PDE8B: variants seen among roughly 807,000 people sequenced by gnomAD.
The protein encoded by PDE8B is phosphodiesterase 8B.
Under a neutral mutation model 101.3 loss-of-function variants are expected in PDE8B, and 26 were observed. The observed-to-expected ratio is 0.26, with a 90% CI of 0.19 to 0.36. PDE8B has a LOEUF of 0.36. Among genes scored for constraint, PDE8B ranks in the 10% least tolerant of loss-of-function variants. The probability of loss-of-function intolerance (pLI) is 1.00; values close to 1 mark genes in which losing one functional copy is unlikely to be tolerated. For missense variants in PDE8B, 810 were observed against 1,163.1 expected, an observed-to-expected ratio of 0.70 and a Z score of 4.42; for synonymous variants, 424 against 429.3, an observed-to-expected ratio of 0.99 and a Z score of 0.15.
the PDE8B span, among the ~76,000 whole-genome samples, chr5:77,108,518 A>G: frequency 3.9e-5 from 6 of 152,152 alleles, no homozygotes; most frequent in African/African-American, 1.4e-4. Flanking sequence ...CCCCGTCTCT[A>G]TTAAAAATAC....
chr5:77,211,213 C>T lies in PDE8B; in HGVS notation c.288C>T (p.His96=). The change falls in exon 1 of 22, where the codon CAC becomes CAT. Residue 96 remains histidine (H), a synonymous_variant. Coordinates refer to ENST00000264917, the MANE Select transcript of PDE8B (RefSeq NM_003719.5). This position sits in a 1 kb window ranked among gnomAD's most constrained non-coding sequence, Gnocchi z 4.1. ...CCACCAGCAGGGGCCGGAGGCGCCACTGCTGCAGCAGCGCCGAGGCCGAGA... is the reference window on the plus strand; with the variant it reads ...CCACCAGCAGGGGCCGGAGGCGCCATTGCTGCAGCAGCGCCGAGGCCGAGA... ...AATTSRGRRR[H]CCSSAEAETQ... 6.4e-7 allele frequency: 1 copy of T among 1,571,216 alleles called. No homozygotes were observed. Among genetic ancestry groups the T allele is most frequent in the Non-Finnish European group, 8.6e-7 (1 of 1,167,074 alleles).
intron 1 of PDE8B, among the ~76,000 whole-genome samples, chr5:77,280,830 G>A (rs1764826608): frequency 6.6e-6 from 1 of 152,226 alleles, no homozygotes; most frequent in Non-Finnish European, 1.5e-5. Flanking sequence ...CGGGGAGGTG[G>A]AGGTTGCAGT....
intron 10 of PDE8B, among the ~76,000 whole-genome samples, chr5:77,391,370 C>T (rs1789881975): frequency 2.0e-5 from 3 of 152,136 alleles, no homozygotes. Context: ...TTCCTGACGG[C>T]AGATGCTGCT....
At chr5:77,308,565 G>A (rs1454380169) in intron 1 of PDE8B, among the ~76,000 whole-genome samples, 2 of 152,162 alleles carry the variant, frequency 1.3e-5, no homozygotes, top group African/African-American at 4.8e-5. Context: ...TAGAATACTG[G>A]ATGGCAGGCA....
chr5:77,219,322 T>C (rs992790100), intron 1 of PDE8B, among the ~76,000 whole-genome samples: 2 of 152,102 alleles, frequency 1.3e-5, no homozygotes, highest in Non-Finnish European at 1.5e-5. Context: ...TTCTCTCAAA[T>C]AGGAAGATGT....
intron 21 of PDE8B, 68 bp from the exon 22 acceptor site, chr5:77,426,377 C>A: frequency 9.8e-7 from 1 of 1,021,974 alleles, no homozygotes; most frequent in South Asian, 1.3e-5. Context: ...CCCAGACACC[C>A]CCAGGCTTAT....
the PDE8B span, among the ~76,000 whole-genome samples, chr5:77,104,202 G>T: frequency 6.6e-6 from 1 of 152,140 alleles, no homozygotes; most frequent in Admixed American, 6.5e-5. Context: ...GGGGCCTATC[G>T]CTCTTCCACA....
the PDE8B span, chr5:77,144,215 T>C: frequency 6.6e-6 from 1 of 152,206 alleles, no homozygotes; most frequent in Non-Finnish European, 1.5e-5. Context: ...AGTCAGGATG[T>C]CTCCAGGGGC....
the PDE8B span, among the ~76,000 whole-genome samples, chr5:77,188,251 A>G: frequency 6.6e-6 from 1 of 152,180 alleles, no homozygotes; most frequent in Admixed American, 6.5e-5. Context: ...TTTCGATGGA[A>G]TGATATTAGG....
At chr5:77,262,710 T>A (rs973353834) in intron 1 of PDE8B, among the ~76,000 whole-genome samples, 2 of 152,202 alleles carry the variant, frequency 1.3e-5, no homozygotes, top group African/African-American at 4.8e-5. Context: ...TTAGTGCACT[T>A]GTAATATGCC....
At chr5:77,221,513 C>A (rs967116102) in intron 1 of PDE8B, among the ~76,000 whole-genome samples, 1 of 152,036 alleles carries the variant, frequency 6.6e-6, no homozygotes, top group Non-Finnish European at 1.5e-5. Context: ...TCGGAGTATG[C>A]GAAGTTTTGT....
the PDE8B span, among the ~76,000 whole-genome samples, chr5:77,179,667 C>A: frequency 6.6e-6 from 1 of 152,164 alleles, no homozygotes; most frequent in South Asian, 2.1e-4. Flanking sequence ...TTGGTTTGAT[C>A]CGTGTTTGAC....
At chr5:77,099,697 C>T in the PDE8B span, among the ~76,000 whole-genome samples, 8 of 151,994 alleles carry the variant, frequency 5.3e-5, no homozygotes, top group African/African-American at 1.7e-4. Context: ...CTGCAACCTC[C>T]GCCTCCCAGG....
intron 1 of PDE8B, among the ~76,000 whole-genome samples, chr5:77,219,103 A>G (rs1750486047): frequency 6.6e-6 from 1 of 152,224 alleles, no homozygotes; most frequent in Non-Finnish European, 1.5e-5. Context: ...TGCACTCAGC[A>G]GAATTTACAG....
chr5:77,157,192 A>G, the PDE8B span, among the ~76,000 whole-genome samples: 1 of 152,190 alleles, frequency 6.6e-6, no homozygotes, highest in Admixed American at 6.5e-5. Context: ...AATCCCATGC[A>G]TTAAATTCAC....
chr5:77,413,727 TAC>T (rs1203964825), intron 17 of PDE8B, among the ~76,000 whole-genome samples: 3 of 152,244 alleles, frequency 2.0e-5, no homozygotes, highest in African/African-American at 7.2e-5. Context: ...TTCCGCATTC[TAC>T]ACTGTTTTAC....
chr5:77,359,226 C>G (rs1782669547), intron 10 of PDE8B, among the ~76,000 whole-genome samples: 1 of 152,184 alleles, frequency 6.6e-6, no homozygotes, highest in African/African-American at 2.4e-5. Flanking sequence ...GAGACAACTT[C>G]ACGCTTGGTG....
intron 10 of PDE8B, among the ~76,000 whole-genome samples, chr5:77,378,039 C>T (rs1561612556): frequency 7.3e-6 from 1 of 137,742 alleles, no homozygotes; most frequent in African/African-American, 2.7e-5. Context: ...CACACACACA[C>T]ACACACACAC....
intron 1 of PDE8B, among the ~76,000 whole-genome samples, chr5:77,265,940 T>C (rs1761614061): frequency 6.6e-6 from 1 of 152,216 alleles, no homozygotes; most frequent in Non-Finnish European, 1.5e-5. Flanking sequence ...TGAGAGTACT[T>C]TCTCTGAAAC....
Sources: allele counts gnomAD v4.1 joint callset (sites outside exome capture counted in the v4.1 genomes callset), GRCh38; gene constraint gnomAD v4.1.1; non-coding constraint Gnocchi (gnomAD v3.1); transcripts MANE v1.5; gene names NCBI Gene and HGNC (gene_info 2026-07-23, HGNC 2026-07-21).